The following DSCAML1 variants were observed in gnomAD, a reference collection of about 807,000 sequenced individuals.
DSCAML1 encodes the protein DS cell adhesion molecule like 1, also known as cell adhesion molecule DSCAML1.
Under a neutral mutation model 200.5 loss-of-function variants are expected in DSCAML1, and 38 were observed. That is an observed-to-expected ratio of 0.19 (90% CI 0.15 to 0.25). The LOEUF is 0.25. Ranked by LOEUF, DSCAML1 falls within the 10% of genes least tolerant of loss-of-function variation. DSCAML1 has a pLI of 1.00. For synonymous variants in DSCAML1, 1,215 were observed against 1,165.0 expected (o/e 1.04, Z -0.87); for missense variants, 2,223 against 2,858.8 (o/e 0.78, Z 5.07).
At chr11:117,640,449 G>A (rs532254494) in intron 3 of DSCAML1, among the ~76,000 whole-genome samples, 1 of 152,306 alleles carries the variant, frequency 6.6e-6, no homozygotes, top group East Asian at 1.9e-4. Context: ...GATGACTTGT[G>A]CTACGTCATA....
At chr11:117,571,675 C>T (rs543814738) in intron 3 of DSCAML1, among the ~76,000 whole-genome samples, 11 of 151,842 alleles carry the variant, frequency 7.2e-5, no homozygotes, top group South Asian at 2.1e-4. Flanking sequence ...CCTCCCCCCA[C>T]CTACAGGTGT....
chr11:117,684,538 G>A (rs781689417), intron 3 of DSCAML1, among the ~76,000 whole-genome samples: 48 of 150,064 alleles, frequency 3.2e-4, no homozygotes, highest in Admixed American at 5.3e-4. Context: ...ATACAGAGAT[G>A]CAGAGTTAGC....
At chr11:117,757,252 T>C (rs904073628) in intron 3 of DSCAML1, among the ~76,000 whole-genome samples, 11 of 152,226 alleles carry the variant, frequency 7.2e-5, no homozygotes, top group African/African-American at 2.4e-4. Context: ...TCTTAACACA[T>C]ATTTGACAAT....
chr11:117,553,715 C>G (rs1386813999), intron 3 of DSCAML1, among the ~76,000 whole-genome samples: 1 of 152,212 alleles, frequency 6.6e-6, no homozygotes, highest in Non-Finnish European at 1.5e-5. Flanking sequence ...CAGCAGCTAG[C>G]AAAACAGTGG....
chr11:117,701,376 G>A (rs919826188), intron 3 of DSCAML1, among the ~76,000 whole-genome samples: 3 of 152,204 alleles, frequency 2.0e-5, no homozygotes, highest in Admixed American at 6.5e-5. Context: ...GGGCAGGATC[G>A]TCCCCCAGAG....
chr11:117,614,025 T>C (rs1188263811), intron 3 of DSCAML1, among the ~76,000 whole-genome samples: 1 of 152,116 alleles, frequency 6.6e-6, no homozygotes, highest in Non-Finnish European at 1.5e-5. Flanking sequence ...CTTTTAAATA[T>C]TTATAGTTAC....
At chr11:117,445,346 C>T (rs1438059154) in intron 20 of DSCAML1, among the ~76,000 whole-genome samples, 1 of 152,210 alleles carries the variant, frequency 6.6e-6, no homozygotes, top group East Asian at 1.9e-4. Context: ...GGGGCAGGTG[C>T]AGAGCCACCC....
chr11:117,752,840 C>A (rs2054625653), intron 3 of DSCAML1, among the ~76,000 whole-genome samples: 1 of 152,194 alleles, frequency 6.6e-6, no homozygotes, highest in Non-Finnish European at 1.5e-5. Flanking sequence ...GGCGAGGACA[C>A]CCAGGACCAC....
chr11:117,428,947 G>T, intron 32 of DSCAML1, 144 bp from the exon 33 acceptor site: 1 of 692,378 alleles, frequency 1.4e-6, no homozygotes, highest in Non-Finnish European at 2.4e-6. Context: ...AAAGAGTAGC[G>T]GAAAGGTCGG....
intron 3 of DSCAML1, among the ~76,000 whole-genome samples, chr11:117,751,884 G>T (rs2054611614): frequency 6.6e-6 from 1 of 152,138 alleles, no homozygotes; most frequent in South Asian, 2.1e-4. Flanking sequence ...CCCACACCAG[G>T]TCTATGTCTG....
chr11:117,737,067 G>A (rs1017964209), intron 3 of DSCAML1, among the ~76,000 whole-genome samples: 19 of 152,190 alleles, frequency 1.2e-4, no homozygotes, highest in African/African-American at 4.6e-4. Context: ...GGCTCCAGGT[G>A]AGAGATCTGC....
At chr11:117,508,354 C>T (rs554783856) in intron 8 of DSCAML1, among the ~76,000 whole-genome samples, 150 of 152,296 alleles carry the variant, frequency 9.8e-4, no homozygotes, top group African/African-American at 3.5e-3. Flanking sequence ...CCTGGGGTAA[C>T]TCCCTATATA....
At chr11:117,758,719 C>CCAT (rs748789970) in intron 3 of DSCAML1, among the ~76,000 whole-genome samples, 13 of 152,100 alleles carry the variant, frequency 8.5e-5, no homozygotes, top group Non-Finnish European at 1.5e-4. Flanking sequence ...CTCTTTATTG[C>CCAT]CATCTTTGGT....
chr11:117,604,030 G>T (rs902565992), intron 3 of DSCAML1, among the ~76,000 whole-genome samples: 1 of 152,346 alleles, frequency 6.6e-6, no homozygotes, highest in Middle Eastern at 3.4e-3. Context: ...GGCACTGGCA[G>T]ATCTGATATT....
At chr11:117,796,463 C>T (rs2134079250) in intron 1 of DSCAML1, among the ~76,000 whole-genome samples, 1 of 152,372 alleles carries the variant, frequency 6.6e-6, no homozygotes, top group East Asian at 1.9e-4. Context: ...ATCCGAGGGA[C>T]CTCCAGCTCT....
At chr11:117,686,711 G>A (rs1464883667) in intron 3 of DSCAML1, among the ~76,000 whole-genome samples, 2 of 152,184 alleles carry the variant, frequency 1.3e-5, no homozygotes, top group Non-Finnish European at 2.9e-5. Context: ...GCAGGCACAT[G>A]CCTGGGAGCG....
chr11:117,722,054 T>C (rs2054049787), intron 3 of DSCAML1, among the ~76,000 whole-genome samples: 2 of 152,122 alleles, frequency 1.3e-5, no homozygotes, highest in Admixed American at 1.3e-4. Flanking sequence ...TGACCATTAA[T>C]TCTCCTTGCA....
chr11:117,512,794 CACACA>C (rs1565754054), intron 8 of DSCAML1, among the ~76,000 whole-genome samples: 32 of 150,474 alleles, frequency 2.1e-4, no homozygotes, highest in African/African-American at 7.1e-4. Context: ...CACACACACA[CACACA>C]CACCCCTCCC....
chr11:117,757,031 G>A (rs969348686), intron 3 of DSCAML1, among the ~76,000 whole-genome samples: 1 of 152,150 alleles, frequency 6.6e-6, no homozygotes, highest in Non-Finnish European at 1.5e-5. Context: ...AGAGACAGAA[G>A]GAAACATCTG....
Sources: allele counts gnomAD v4.1 joint callset (sites outside exome capture counted in the v4.1 genomes callset), GRCh38; gene constraint gnomAD v4.1.1; transcripts MANE v1.5; gene names NCBI Gene and HGNC (gene_info 2026-07-23, HGNC 2026-07-21).